Variants in CPLANE1 observed in about 807,000 individuals in gnomAD.
CPLANE1 encodes ciliogenesis and planar polarity effector complex subunit 1, also known as ciliogenesis and planar polarity effector 1.
CPLANE1 carries 263 observed loss-of-function variants against 362.5 expected under a neutral mutation model. The ratio of observed to expected loss-of-function variants is 0.73; its 90% CI spans 0.66 to 0.80. The LOEUF (loss-of-function observed/expected upper bound fraction) is 0.80, where lower values mean the gene tolerates loss of function less well. CPLANE1 is among the 30% of genes least tolerant of loss of function. CPLANE1 has a pLI of 0.00. For missense variants in CPLANE1, 3,461 were observed against 3,793.4 expected, an observed-to-expected ratio of 0.91 and a Z score of 2.30; for synonymous variants, 1,212 against 1,302.6, an observed-to-expected ratio of 0.93 and a Z score of 1.50.
At chr5:37,157,931 CCAAA>C in intron 39 of CPLANE1, 63 bp from the exon 40 acceptor site, 2 of 137,398 alleles carry the variant, frequency 1.5e-5, no homozygotes, top group Non-Finnish European at 1.2e-5. Flanking sequence ...GGTCACTCCG[CCAAA>C]AAAAAAAAAA....
intron 16 of CPLANE1, chr5:37,211,059 A>G (rs1792453702): frequency 1.2e-6 from 1 of 848,410 alleles, no homozygotes; most frequent in African/African-American, 1.7e-5. Flanking sequence ...GCAGTCTGTG[A>G]TCCATCATTC....
chr5:37,149,465 G>A (rs1381933413), intron 42 of CPLANE1, among the ~76,000 whole-genome samples: 2 of 152,158 alleles, frequency 1.3e-5, no homozygotes, highest in African/African-American at 4.8e-5. Flanking sequence ...CAGTACAGAT[G>A]CAACCATCCT....
At chr5:37,079,045 CTT>C in the CPLANE1 span, among the ~76,000 whole-genome samples, 2 of 152,124 alleles carry the variant, frequency 1.3e-5, no homozygotes, top group Admixed American at 1.3e-4. Context: ...TGCAGAAGCT[CTT>C]TAGTTCAATT....
chr5:37,166,780 CT>C (rs1778353533), intron 35 of CPLANE1, among the ~76,000 whole-genome samples: 1 of 152,136 alleles, frequency 6.6e-6, no homozygotes, highest in South Asian at 2.1e-4. Flanking sequence ...ACTGTTCATC[CT>C]ATTACCGACA....
downstream of CPLANE1, among the ~76,000 whole-genome samples, chr5:37,103,135 T>C (rs1757376787): frequency 6.6e-6 from 1 of 152,216 alleles, no homozygotes; most frequent in Non-Finnish European, 1.5e-5. Context: ...TTTACCATTA[T>C]GTAATGGCCT....
chr5:37,217,342 A>G (rs1345029018), intron 15 of CPLANE1, among the ~76,000 whole-genome samples: 1 of 152,230 alleles, frequency 6.6e-6, no homozygotes, highest in Non-Finnish European at 1.5e-5. Context: ...GCAGTGGCTC[A>G]TGCCTGTAAT....
At chr5:37,235,078 A>G (rs565869551) in intron 8 of CPLANE1, among the ~76,000 whole-genome samples, 38 of 152,296 alleles carry the variant, frequency 2.5e-4, no homozygotes, top group African/African-American at 8.9e-4. Context: ...AGAAAACCCT[A>G]AAGACTCCAC....
the CPLANE1 span, among the ~76,000 whole-genome samples, chr5:37,100,194 T>C: frequency 6.6e-6 from 1 of 152,130 alleles, no homozygotes; most frequent in Non-Finnish European, 1.5e-5. Flanking sequence ...GTGCTGATGT[T>C]CTGAATGGTA....
At chr5:37,078,020 G>GAT in the CPLANE1 span, among the ~76,000 whole-genome samples, 1 of 152,266 alleles carries the variant, frequency 6.6e-6, no homozygotes, top group African/African-American at 2.4e-5. Context: ...CCCAAAGTGA[G>GAT]ATTACAGGTA....
intron 5 of CPLANE1, 45 bp downstream of exon 5, chr5:37,244,330 C>T (rs1175353056): frequency 3.8e-6 from 5 of 1,317,348 alleles, no homozygotes; most frequent in Admixed American, 2.5e-5. Context: ...CCATTACACA[C>T]TCTGCTAATC....
In CPLANE1 at chr5:37,194,590, G is replaced by C. The variant is rs973944735; in HGVS notation, c.3811+1268C>G. On this transcript the variant is annotated intron_variant, in intron 21 of 52. Coordinates refer to ENST00000651892, the MANE Select transcript of CPLANE1 (RefSeq NM_001384732.1). ...AAGCATTTCAATGCCGTTTCGGTTG[G>C]AAAAACAGACAATCTGAGCCCCAGG... is the stretch of plus-strand genomic sequence containing the variant. Among the ~76,000 whole-genome samples the C allele has an allele frequency of 2.0e-5, 3 of 151,686 alleles. No individual in the cohort carries two copies. In the East Asian group the frequency reaches 5.8e-4, roughly 29 times the overall value.
intron 41 of CPLANE1, among the ~76,000 whole-genome samples, chr5:37,155,440 T>C (rs1580239862): frequency 6.6e-6 from 1 of 152,280 alleles, no homozygotes; most frequent in East Asian, 1.9e-4. Context: ...AGTGGTGAGA[T>C]CTTGGTTTAC....
chr5:37,126,090 C>A (rs1410190664), intron 46 of CPLANE1, among the ~76,000 whole-genome samples: 2 of 152,068 alleles, frequency 1.3e-5, no homozygotes, highest in Non-Finnish European at 2.9e-5. Flanking sequence ...AAAAAATTAG[C>A]CAGGTTGAAT....
At chr5:37,171,645 G>A (rs1290919220) in intron 32 of CPLANE1, among the ~76,000 whole-genome samples, 4 of 150,544 alleles carry the variant, frequency 2.7e-5, no homozygotes, top group Admixed American at 1.3e-4. Context: ...ATACACACAG[G>A]AAAAAACAGA....
At chr5:37,140,909 G>A (rs1238477391) in intron 44 of CPLANE1, 1 of 976,482 alleles carries the variant, frequency 1.0e-6, no homozygotes, top group Non-Finnish European at 1.2e-6. Flanking sequence ...TATTTTATGT[G>A]TGGCCCAAGA....
the CPLANE1 span, among the ~76,000 whole-genome samples, chr5:37,088,537 G>A: frequency 6.6e-6 from 1 of 152,258 alleles, no homozygotes; most frequent in African/African-American, 2.4e-5. Flanking sequence ...TGTAGGAAGG[G>A]GAAACATTGG....
At chr5:37,077,264 T>G in the CPLANE1 span, among the ~76,000 whole-genome samples, 1 of 152,146 alleles carries the variant, frequency 6.6e-6, no homozygotes, top group East Asian at 1.9e-4. Flanking sequence ...TTAGTGCATA[T>G]GTAGAACAGC....
chr5:37,226,967 C>A lies in CPLANE1; in HGVS notation c.1628G>T (p.Arg543Ile), dbSNP rs1451330944. ...DVLCSSMKEG[R>I]LEFASMFDTI... ...ATCAAACATAGATGCAAATTCCAAT[C>A]TTCCTTCCTTCATACTACTACACAG... The change falls in exon 12 of 53, where the codon AGA becomes ATA. Residue 543 changes from arginine to isoleucine, a missense_variant. Arg to Ile is a moderately conservative substitution (Grantham distance 97). Coordinates refer to ENST00000651892, the MANE Select transcript of CPLANE1 (RefSeq NM_001384732.1). 1.9e-6 allele frequency: 3 copies of A among 1,551,754 alleles called. No individual in the cohort carries two copies. The African/African-American group carries it at 4.1e-5, about 21-fold the overall frequency.
the CPLANE1 span, among the ~76,000 whole-genome samples, chr5:37,079,127 GTGCCTATGTCCCAGATAGTAT>G: frequency 1.3e-5 from 2 of 152,258 alleles, no homozygotes; most frequent in Non-Finnish European, 2.9e-5. Flanking sequence ...ATCTTTGCCT[GTGCCTATGTCCCAGATAGTAT>G]TGCCTAGATT....
Sources: allele counts gnomAD v4.1 joint callset (sites outside exome capture counted in the v4.1 genomes callset), GRCh38; gene constraint gnomAD v4.1.1; transcripts MANE v1.5; gene names NCBI Gene and HGNC (gene_info 2026-07-23, HGNC 2026-07-21).